Variants in WDR41 observed in about 807,000 individuals in gnomAD.
WDR41 encodes the protein WD repeat domain 41.
WDR41 carries 63 observed loss-of-function variants against 69.3 expected under a neutral mutation model. That is an observed-to-expected ratio of 0.91 (90% CI 0.74 to 1.12). The LOEUF (loss-of-function observed/expected upper bound fraction) is 1.12, where lower values mean the gene tolerates loss of function less well. WDR41 is among the 50% of genes most tolerant of loss of function. The pLI is 0.00. For missense variants in WDR41, 543 were observed against 534.5 expected (o/e 1.02, Z -0.16); for synonymous variants, 185 against 192.1 (o/e 0.96, Z 0.31).
chr5:77,470,421 C>T lies in WDR41; in HGVS notation c.168-5612G>A, dbSNP rs890399088. On this transcript the variant is annotated intron_variant, in intron 2 of 12. Coordinates refer to ENST00000296679, the MANE Select transcript of WDR41 (RefSeq NM_018268.4). Reference sequence around the variant, plus strand: ...TCATAATGACAGGATCAAATTCACACATAACAATATTAACCTTAAATGTAA... The same window carrying T: ...TCATAATGACAGGATCAAATTCACATATAACAATATTAACCTTAAATGTAA... Among the ~76,000 whole-genome samples, 10 of 152,202 alleles carry T rather than the reference C, an allele frequency of 6.6e-5. No individual in the cohort carries two copies. In the East Asian group the frequency reaches 9.7e-4, roughly 15 times the overall value.
intron 1 of WDR41, among the ~76,000 whole-genome samples, chr5:77,592,265 T>A (rs1286699908): frequency 6.6e-6 from 1 of 152,210 alleles, no homozygotes; most frequent in African/African-American, 2.4e-5. Flanking sequence ...TTAGATTTTT[T>A]TAAATTGAGT....
chr5:77,500,942 A>T (rs2112152783), intron 1 of WDR41, among the ~76,000 whole-genome samples: 1 of 152,360 alleles, frequency 6.6e-6, no homozygotes. Flanking sequence ...TCCGGTCTGC[A>T]GCTCCCAGCG....
chr5:77,502,318 A>AG (rs1178401124), intron 1 of WDR41, among the ~76,000 whole-genome samples: 5 of 152,318 alleles, frequency 3.3e-5, no homozygotes, highest in Admixed American at 1.3e-4. Flanking sequence ...AAAAGGTTAG[A>AG]GAAAAAAAAG....
At chr5:77,617,570 T>C (rs1744700932) in intron 1 of WDR41, among the ~76,000 whole-genome samples, 1 of 152,186 alleles carries the variant, frequency 6.6e-6, no homozygotes, top group South Asian at 2.1e-4. Context: ...ATCATAGTCA[T>C]TAAAACTAGG....
intron 1 of WDR41, among the ~76,000 whole-genome samples, chr5:77,521,408 C>G (rs377098681): frequency 6.6e-6 from 1 of 152,346 alleles, no homozygotes; most frequent in East Asian, 1.9e-4. Flanking sequence ...AGCAGGGTAC[C>G]GGTACCGGTC....
At chr5:77,453,646 A>G (rs1344135500) in intron 6 of WDR41, among the ~76,000 whole-genome samples, 171 bp downstream of exon 6, 1 of 152,204 alleles carries the variant, frequency 6.6e-6, no homozygotes, top group Non-Finnish European at 1.5e-5. Flanking sequence ...CAGGATAAAA[A>G]TATATTTTAC....
At chr5:77,608,074 C>G (rs1304567710) in intron 1 of WDR41, among the ~76,000 whole-genome samples, 1 of 152,146 alleles carries the variant, frequency 6.6e-6, no homozygotes, top group Non-Finnish European at 1.5e-5. Context: ...ACAATAACTC[C>G]CGATTCTCCC....
At chr5:77,542,487 G>A (rs932041265) in intron 1 of WDR41, among the ~76,000 whole-genome samples, 1 of 152,186 alleles carries the variant, frequency 6.6e-6, no homozygotes, top group Admixed American at 6.5e-5. Context: ...AGAGAAAAAT[G>A]TAGATATGTG....
At chr5:77,550,758 A>G (rs536689344) in intron 1 of WDR41, among the ~76,000 whole-genome samples, 17 of 152,346 alleles carry the variant, frequency 1.1e-4, no homozygotes, top group Middle Eastern at 3.4e-3. Context: ...CAAATAAATC[A>G]TTCTACCAAA....
chr5:77,481,784 CAAAAAA>C (rs61463461), intron 2 of WDR41, among the ~76,000 whole-genome samples: 29 of 87,382 alleles, frequency 3.3e-4, no homozygotes, highest in East Asian at 9.7e-4. Flanking sequence ...GACTCCGTCT[CAAAAAA>C]AAAAAAAAAA....
chr5:77,582,551 A>G (rs953182344), intron 1 of WDR41: 2 of 1,599,416 alleles, frequency 1.3e-6, no homozygotes, highest in Non-Finnish European at 1.7e-6. Context: ...CACTATCACA[A>G]GGAATATAGG....
chr5:77,567,704 C>T (rs956915160), intron 1 of WDR41, among the ~76,000 whole-genome samples: 1 of 148,620 alleles, frequency 6.7e-6, no homozygotes, highest in African/African-American at 2.5e-5. Context: ...GGAACCAATG[C>T]TATTCTGAAT....
chr5:77,451,256 T>A, intron 7 of WDR41, 35 bp downstream of exon 7: 1 of 1,605,874 alleles, frequency 6.2e-7, no homozygotes, highest in Non-Finnish European at 8.5e-7. Flanking sequence ...CAATTCTCGT[T>A]CAAAATACAC....
At chr5:77,455,300 T>C (rs1302639115) in intron 5 of WDR41, among the ~76,000 whole-genome samples, 1 of 152,248 alleles carries the variant, frequency 6.6e-6, no homozygotes. Flanking sequence ...AATTTCTTTC[T>C]TTCAAATCTT....
chr5:77,453,062 T>C (rs1416298760), intron 6 of WDR41, among the ~76,000 whole-genome samples: 1 of 152,202 alleles, frequency 6.6e-6, no homozygotes, highest in African/African-American at 2.4e-5. Context: ...TGTATGGATT[T>C]AGTTTTCCTA....
intron 1 of WDR41, among the ~76,000 whole-genome samples, chr5:77,512,355 AGTGTGTGTGTGTGT>A (rs111485869): frequency 1.8e-4 from 22 of 119,390 alleles, no homozygotes; most frequent in African/African-American, 1.6e-4. Flanking sequence ...AGAGAGAGTG[AGTGTGTGTGTGTGT>A]GTGTGTGTGT....
At chr5:77,550,174 T>C (rs535001679) in intron 1 of WDR41, among the ~76,000 whole-genome samples, 1 of 152,290 alleles carries the variant, frequency 6.6e-6, no homozygotes, top group African/African-American at 2.4e-5. Flanking sequence ...ATTCTGGACA[T>C]TGGCCTTGGG....
intron 1 of WDR41, among the ~76,000 whole-genome samples, chr5:77,508,289 T>C (rs1802144070): frequency 6.6e-6 from 1 of 151,992 alleles, no homozygotes; most frequent in Non-Finnish European, 1.5e-5. Flanking sequence ...CCCAGCTAAT[T>C]TTTTGTAGCG....
At chr5:77,566,292 A>C (rs1455579642) in intron 1 of WDR41, among the ~76,000 whole-genome samples, 1 of 152,040 alleles carries the variant, frequency 6.6e-6, no homozygotes, top group Non-Finnish European at 1.5e-5. Context: ...CTATTTACTA[A>C]TCTTTATGTG....
Sources: gnomAD v4.1 joint callset for allele counts (sites outside exome capture counted in the v4.1 genomes callset) on GRCh38, gnomAD v4.1.1 for gene constraint, MANE v1.5 for transcripts, NCBI Gene and HGNC (gene_info 2026-07-23, HGNC 2026-07-21) for gene names.